The following MUC4 variants were observed in gnomAD, a reference collection of about 807,000 sequenced individuals.
MUC4 encodes mucin 4, cell surface associated, also known as mucin-4.
MUC4 carries 202 observed loss-of-function variants against 257.9 expected under a neutral mutation model. That is an observed-to-expected ratio of 0.78 (90% confidence interval 0.70 to 0.88). The LOEUF (loss-of-function observed/expected upper bound fraction) is 0.88, where lower values mean the gene tolerates loss of function less well. MUC4 is among the 40% of genes least tolerant of loss of function. The pLI, the probability that MUC4 is intolerant of heterozygous loss-of-function variation, is 0.00. For missense variants in MUC4, 5,976 were observed against 6,513.7 expected (o/e 0.92, Z 2.84); for synonymous variants, 2,351 against 2,757.1 (o/e 0.85, Z 4.62).
chr3:195,764,052 TG>T lies in MUC4; in HGVS notation c.14036del (p.Pro4679HisfsTer93). 11 of 1,610,174 alleles carry T rather than the reference TG, an allele frequency of 6.8e-6. No individual in the cohort carries two copies. The highest frequency in any genetic ancestry group is 9.3e-6 in the Non-Finnish European group (11 of 1,178,796). On this transcript the variant is annotated frameshift_variant, in exon 11 of 25. Transcript: ENST00000463781. LOFTEE classifies it high-confidence loss of function. ...PHVGCATYRP[P>X]QPAWMFGDPH... is the part of the protein sequence containing the mutation. ...CTGGGCCCTGTCGCTCACCGGGCTG[TG>T]GGGGCCTGTATGTAGCACAGCCCAC...
chr3:195,760,945 T>C lies in MUC4; in HGVS notation c.14787A>G (p.Ala4929=). The change falls in exon 16 of 25, where the codon GCA becomes GCG. Residue 4929 remains alanine, a synonymous_variant. Coordinates refer to ENST00000463781, the MANE Select transcript of MUC4 (RefSeq NM_018406.7). Reference sequence around the variant, plus strand: ...CTTCCCTCGTGTGAAGTCCGATGCTTGCGTTGCGCAGGGCCAGGGTGTCAT... The same window carrying C: ...CTTCCCTCGTGTGAAGTCCGATGCTCGCGTTGCGCAGGGCCAGGGTGTCAT... The part of the protein sequence containing the change: ...CIYDTLALRN[A]SIGLHTREVS... 5 of 1,614,218 alleles carry C rather than the reference T, an allele frequency of 3.1e-6. No homozygotes were observed. Among genetic ancestry groups the C allele is most frequent in the Non-Finnish European group, 4.2e-6 (5 of 1,180,034 alleles).
chr3:195,791,326 G>T lies in MUC4; in HGVS notation c.254C>A (p.Thr85Asn), dbSNP rs1349725390. Residue 85 changes from threonine to asparagine, a missense_variant, in exon 2 of 25, where the codon ACC (threonine) becomes AAC (asparagine). Thr to Asn is a moderately conservative substitution (Grantham distance 65). Coordinates refer to ENST00000463781, the MANE Select transcript of MUC4 (RefSeq NM_018406.7). The part of the protein sequence containing the change: ...QNHQTKSTET[T>N]SKAQTDTLTQ... ...GAGGGTGTCGGTTTGAGCTTTGCTG[G>T]TGGTCTCCGTGCTCTTAGTCTGGTG... 1 of 1,614,000 alleles carries T rather than the reference G, an allele frequency of 6.2e-7. No homozygotes were observed. Among genetic ancestry groups the T allele is most frequent in the Non-Finnish European group, 8.5e-7 (1 of 1,179,892 alleles).
In MUC4 at chr3:195,789,031, G is replaced by A. The variant is rs753307463; in HGVS notation, c.2549C>T (p.Ala850Val). ...TGGGATGGCACCATGACTGGCTGAG[G>A]CGGACAGCAATTCGGTTGTTGACTG... ...TTQSTTELLS[A>V]SASHGAIPVS... Residue 850 changes from alanine (A) to valine (V), a missense_variant, in exon 2 of 25, where the codon GCC becomes GTC. Transcript: ENST00000463781. The A allele has an allele frequency of 6.2e-7, 1 of 1,613,866 alleles. No homozygotes were observed.
At chr3:195,800,083 G>C (rs1030216946) in intron 1 of MUC4, among the ~76,000 whole-genome samples, 1 of 152,170 alleles carries the variant, frequency 6.6e-6, no homozygotes, top group South Asian at 2.1e-4. Flanking sequence ...TTCAAGACCA[G>C]CCTGGCCAAC....
At chr3:195,762,065 G>A (rs1194683243) in intron 14 of MUC4, 22 bp downstream of exon 14, 5 of 1,570,348 alleles carry the variant, frequency 3.2e-6, no homozygotes, top group African/African-American at 1.4e-5. Context: ...GAGCCTCAGA[G>A]GCAGGTCCGA....
At chr3:195,777,983 G>T (rs920197147) in intron 3 of MUC4, among the ~76,000 whole-genome samples, 1 of 151,810 alleles carries the variant, frequency 6.6e-6, no homozygotes, top group Non-Finnish European at 1.5e-5. Context: ...CCTGCCTGGG[G>T]TGCTCCTCCA....
In MUC4 at chr3:195,790,944, G is replaced by T; in HGVS notation, c.636C>A (p.Ser212Arg). The change falls in exon 2 of 25, where the codon AGC becomes AGA. Residue 212 changes from serine to arginine, a missense_variant. Physicochemically the swap from Ser to Arg is moderately radical, Grantham distance 110 (BLOSUM62 -1). Around this residue, in one of 44 missense-constraint regions of MUC4, gnomAD observed 1,583 missense variants for 1,257.4 expected, o/e 1.26. Coordinates refer to ENST00000463781, the MANE Select transcript of MUC4 (RefSeq NM_018406.7). ...TTGAAGTGGTTCTGTGTGTTAGGGT[G>T]CTGGTTTGAGATTCCCTGGTGGTCT... Reference protein sequence around the residue: ...STQTTRESQTSTLTHRTTSTP... With the variant: ...STQTTRESQTRTLTHRTTSTP... 1 of 1,614,010 alleles carries T rather than the reference G, an allele frequency of 6.2e-7. No homozygotes were observed. Among genetic ancestry groups the T allele is most frequent in the Non-Finnish European group, 8.5e-7 (1 of 1,179,892 alleles).
chr3:195,756,379 G>A (rs1717646412), intron 18 of MUC4, among the ~76,000 whole-genome samples: 1 of 152,216 alleles, frequency 6.6e-6, no homozygotes, highest in African/African-American at 2.4e-5. Context: ...GCCCTCTGCT[G>A]GGCTTCGCCG....
In MUC4 at chr3:195,785,662, T is replaced by G; in HGVS notation, c.5918A>C (p.Asp1973Ala). The change falls in exon 2 of 25, where the codon GAC becomes GCC. Residue 1973 changes from aspartate to alanine, a missense_variant. By Grantham distance (126) the Asp-to-Ala change is moderately radical (BLOSUM62 -2). Around this residue, in one of 44 missense-constraint regions of MUC4, gnomAD observed 4 missense variants for 28.3 expected, o/e 0.14. Coordinates refer to ENST00000463781, the MANE Select transcript of MUC4 (RefSeq NM_018406.7). ...TGHATSLPVT[D>A]ASSVSTGHAT... ...GTGACCTGTGGACACTGAGGAAGCG[T>G]CGGTGACAGGAAGAGAGGTGGCGTG... The G allele has an allele frequency of 6.7e-7, 1 of 1,493,766 alleles. No individual in the cohort carries two copies. Among genetic ancestry groups the G allele is most frequent in the Non-Finnish European group, 8.9e-7 (1 of 1,120,514 alleles). 92.5% of individuals were successfully genotyped at this position (1,493,766 alleles called of 1,614,324 possible).
chr3:195,803,671 C>A (rs1408731354), intron 1 of MUC4, among the ~76,000 whole-genome samples: 1 of 152,124 alleles, frequency 6.6e-6, no homozygotes, highest in African/African-American at 2.4e-5. Context: ...CGAGATTCAG[C>A]GGCCCCATTT....
At chr3:195,764,852 T>C in intron 10 of MUC4, 145 bp downstream of exon 10, 1 of 1,170,772 alleles carries the variant, frequency 8.5e-7, no homozygotes, top group Non-Finnish European at 1.2e-6. Flanking sequence ...CTGGTGGGGA[T>C]GTTGGAAGCT....
intron 3 of MUC4, 55 bp downstream of exon 3, chr3:195,778,248 A>T (rs761648418): frequency 6.6e-7 from 1 of 1,522,220 alleles, no homozygotes; most frequent in South Asian, 1.3e-5. Context: ...GCTGAGAGGG[A>T]GCCTTCAGTT....
Position 195,747,378 on chromosome 3 carries a change from C to G in MUC4, c.16037G>C (p.Cys5346Ser). 6.2e-7 allele frequency: 1 copy of G among 1,613,530 alleles called. No homozygotes were observed. The highest frequency in any genetic ancestry group is 8.5e-7 in the Non-Finnish European group (1 of 1,179,670). Reference sequence around the variant, plus strand: ...GGCCGTGTAGATGGAGAAGGACACACAGCTGGTGACCAAGAGAGACAGACA... The same window carrying G: ...GGCCGTGTAGATGGAGAAGGACACAGAGCTGGTGACCAAGAGAGACAGACA... The part of the protein sequence containing the change: ...QHLPSGPRCS[C>S]VSFSIYTAWG... Residue 5346 changes from cysteine to serine, a missense_variant and splice_region_variant, in exon 25 of 25, where the codon TGT becomes TCT. By Grantham distance (112) the Cys-to-Ser change is moderately radical. Transcript: ENST00000463781.
At chr3:195,800,915 G>A (rs1735222860) in intron 1 of MUC4, among the ~76,000 whole-genome samples, 1 of 148,646 alleles carries the variant, frequency 6.7e-6, no homozygotes, top group African/African-American at 2.5e-5. Flanking sequence ...AAAAAAAGTG[G>A]TTCTCAAAAG....
In MUC4 at chr3:195,769,127, G is replaced by A; in HGVS notation, c.13424C>T (p.Ser4475Phe). Residue 4475 changes from serine to phenylalanine, a missense_variant, in exon 7 of 25, where the codon TCC (serine) becomes TTC (phenylalanine). Around this residue, in one of 44 missense-constraint regions of MUC4, gnomAD observed 996 missense variants for 1,137.3 expected, o/e 0.88. Transcript: ENST00000463781. ...GGCATAGGACCTGCTCCCGTCCGTG[G>A]AGAGGATGGCTTGGTAGGTGTTGCT... The part of the protein sequence containing the change: ...LGSNTYQAIL[S>F]TDGSRSYALF... The A allele has an allele frequency of 6.2e-7, 1 of 1,614,156 alleles. No individual in the cohort carries two copies. The highest frequency in any genetic ancestry group is 8.5e-7 in the Non-Finnish European group (1 of 1,180,012).
chr3:195,757,140 C>T lies in MUC4; in HGVS notation c.15168+7G>A, dbSNP rs1017584007. ...CAGAAACTCCTCCCCCACCTCCCAA[C>T]ACTCACCTCCAGGGAGGAGTTGCCC... On this transcript the variant is annotated splice_region_variant and intron_variant, in intron 18 of 24. Coordinates refer to ENST00000463781, the MANE Select transcript of MUC4 (RefSeq NM_018406.7). The surrounding 1 kb of genome is among the most constrained non-coding windows in gnomAD (Gnocchi z 4.8). 8.8e-6 allele frequency: 14 copies of T among 1,588,220 alleles called. No individual in the cohort carries two copies. The South Asian group carries it at 1.4e-4, about 16-fold the overall frequency.
intron 1 of MUC4, among the ~76,000 whole-genome samples, chr3:195,798,441 C>T (rs1003513926): frequency 1.3e-5 from 2 of 152,308 alleles, no homozygotes; most frequent in African/African-American, 4.8e-5. Context: ...TGGTGGCTCA[C>T]ACCTGTAATC....
rs2148948113 is a variant in MUC4 at position 195,781,846 on chromosome 3, T to G, written c.9734A>C (p.His3245Pro). ...VTSPSSASTG[H>P]ATSLPVTDTS... Reference sequence around the variant, plus strand: ...GTCGGTGACAGGAAGAGAGGTGGCATGACCGGTGGATGCTGAGGAAGGGCT... The same window carrying G: ...GTCGGTGACAGGAAGAGAGGTGGCAGGACCGGTGGATGCTGAGGAAGGGCT... Residue 3245 changes from histidine to proline, a missense_variant, in exon 2 of 25, where the codon CAT becomes CCT. Around this residue, in one of 44 missense-constraint regions of MUC4, gnomAD observed 28 missense variants for 79.1 expected, o/e 0.35. Coordinates refer to ENST00000463781, the MANE Select transcript of MUC4 (RefSeq NM_018406.7). 1.0e-6 allele frequency: 1 copy of G among 985,272 alleles called. No homozygotes were observed. The highest frequency in any genetic ancestry group is 1.3e-6 in the Non-Finnish European group (1 of 768,846). The allele number at this position is 985,272 out of a possible 1,614,324, so 61.0% of individuals were successfully genotyped here.
intron 23 of MUC4, 143 bp from the exon 24 acceptor site, chr3:195,749,207 G>C: frequency 9.7e-7 from 1 of 1,031,606 alleles, no homozygotes. Context: ...TGGACGTTCA[G>C]ATCAGCATGG....
Sources: gnomAD v4.1 joint callset for allele counts (sites outside exome capture counted in the v4.1 genomes callset) on GRCh38, gnomAD v4.1.1 for gene constraint, gnomAD v4.1.1 regional missense constraint, Gnocchi (gnomAD v3.1) non-coding constraint, MANE v1.5 for transcripts, NCBI Gene and HGNC (gene_info 2026-07-23, HGNC 2026-07-21) for gene names.